The following PTPRR variants were observed in gnomAD, a reference collection of about 807,000 sequenced individuals.
PTPRR encodes protein tyrosine phosphatase receptor type R.
A neutral mutation model predicts 77.2 loss-of-function variants in PTPRR; 38 were observed. That is an observed-to-expected ratio of 0.49 (90% CI 0.38 to 0.65). PTPRR has a LOEUF of 0.65. PTPRR is among the 30% of genes least tolerant of loss of function. The pLI is 0.00. For missense variants in PTPRR, 744 were observed against 799.2 expected, an observed-to-expected ratio of 0.93 and a Z score of 0.83; for synonymous variants, 299 against 283.1, an observed-to-expected ratio of 1.06 and a Z score of -0.57.
intron 2 of PTPRR, among the ~76,000 whole-genome samples, chr12:70,822,396 G>T (rs1456351164): frequency 6.6e-6 from 1 of 151,926 alleles, no homozygotes; most frequent in Non-Finnish European, 1.5e-5. Context: ...GGAAGACAGT[G>T]GAAATTAATG....
chr12:70,647,397 T>G (rs1414021316), intron 13 of PTPRR, among the ~76,000 whole-genome samples: 2 of 152,364 alleles, frequency 1.3e-5, no homozygotes, highest in South Asian at 2.1e-4. Context: ...GTAGTCATAC[T>G]TCTGTAATAT....
In PTPRR at chr12:70,723,882, C is replaced by T. The variant is rs369176338; in HGVS notation, c.1007+21936G>A. 4.9e-4 allele frequency among the ~76,000 whole-genome samples: 75 copies of T among 152,086 alleles called. 1 individual carries two copies. The Middle Eastern group carries it at 0.014, about 28-fold the overall frequency. On this transcript the variant is annotated intron_variant, in intron 6 of 13. Coordinates refer to ENST00000283228, the MANE Select transcript of PTPRR (RefSeq NM_002849.4). Reference sequence around the variant, plus strand: ...CATTTATTTACAGAAACTTGTTAAGCACCTAAATATGTAGAGGCATGTCTA... The same window carrying T: ...CATTTATTTACAGAAACTTGTTAAGTACCTAAATATGTAGAGGCATGTCTA...
At chr12:70,645,826 G>GAA (rs34675980) in intron 13 of PTPRR, among the ~76,000 whole-genome samples, 8,218 of 150,692 alleles carry the variant, frequency 0.055, 522 homozygotes, top group East Asian at 0.31. Context: ...GTTAGAAAGG[G>GAA]AAAAAAAAAT....
chr12:70,666,571 A>C (rs1295584409), intron 10 of PTPRR, among the ~76,000 whole-genome samples: 2 of 152,234 alleles, frequency 1.3e-5, no homozygotes, highest in Non-Finnish European at 2.9e-5. Context: ...TAAGTTTTTC[A>C]CTGGTGAAAA....
intron 10 of PTPRR, among the ~76,000 whole-genome samples, chr12:70,676,661 T>C (rs1887458450): frequency 6.6e-6 from 1 of 152,088 alleles, no homozygotes; most frequent in Admixed American, 6.5e-5. Flanking sequence ...ATAAAGGCAA[T>C]CAGTATATCC....
chr12:70,807,199 T>A (rs1259017568), intron 2 of PTPRR, among the ~76,000 whole-genome samples: 10 of 152,166 alleles, frequency 6.6e-5, no homozygotes. Context: ...ATGCAAAGGA[T>A]AGACAAGTAA....
intron 2 of PTPRR, among the ~76,000 whole-genome samples, chr12:70,772,620 C>G (rs926076749): frequency 3.9e-5 from 6 of 152,050 alleles, no homozygotes; most frequent in African/African-American, 1.4e-4. Context: ...GCATTTCCAC[C>G]TTAGGGTCTC....
rs929669077 is a variant in PTPRR, at chr12:70,768,520, A to G, written c.358-3742T>C. Among the ~76,000 whole-genome samples the G allele has an allele frequency of 8.5e-5, 13 of 152,266 alleles. No individual in the cohort carries two copies. The East Asian group carries it at 1.4e-3, about 16-fold the overall frequency. Reference sequence around the variant, plus strand: ...TCTGAAATTGTGGCAATAATCAATAACTTACCAACCAAAAAGAGTCCAGGA... The same window carrying G: ...TCTGAAATTGTGGCAATAATCAATAGCTTACCAACCAAAAAGAGTCCAGGA... On this transcript the variant is annotated intron_variant, in intron 2 of 13. Coordinates refer to ENST00000283228, the MANE Select transcript of PTPRR (RefSeq NM_002849.4).
chr12:70,818,634 G>A (rs1472407148), intron 2 of PTPRR, among the ~76,000 whole-genome samples: 4 of 152,030 alleles, frequency 2.6e-5, no homozygotes, highest in African/African-American at 9.7e-5. Context: ...GTCATGGTTG[G>A]CTCATAGTTG....
intron 6 of PTPRR, among the ~76,000 whole-genome samples, chr12:70,731,468 T>C (rs908824088): frequency 6.6e-6 from 1 of 152,174 alleles, no homozygotes; most frequent in African/African-American, 2.4e-5. Flanking sequence ...ATGGAACCAC[T>C]CAATTGTAGG....
intron 2 of PTPRR, among the ~76,000 whole-genome samples, chr12:70,889,974 C>G (rs1034171641): frequency 1.3e-5 from 2 of 152,198 alleles, no homozygotes; most frequent in Admixed American, 1.3e-4. Flanking sequence ...ATTCTTCACT[C>G]AGCAGCCTAT....
chr12:70,715,172 G>A (rs901141140), intron 6 of PTPRR, among the ~76,000 whole-genome samples: 14 of 152,068 alleles, frequency 9.2e-5, no homozygotes, highest in African/African-American at 2.9e-4. Context: ...CTGGGCGTCC[G>A]GGGGAGATAT....
At chr12:70,690,303 G>T (rs1180465425) in intron 8 of PTPRR, among the ~76,000 whole-genome samples, 3 of 152,124 alleles carry the variant, frequency 2.0e-5, no homozygotes, top group Non-Finnish European at 4.4e-5. Context: ...AAATATTTCA[G>T]AAAAGAATAG....
chr12:70,775,108 A>G (rs1027247951), intron 2 of PTPRR, among the ~76,000 whole-genome samples: 3 of 152,244 alleles, frequency 2.0e-5, no homozygotes, highest in Admixed American at 6.5e-5. Context: ...GCAAATGGTA[A>G]GCCACTTTAC....
intron 8 of PTPRR, among the ~76,000 whole-genome samples, chr12:70,693,882 C>A (rs1232074677): frequency 6.6e-6 from 1 of 152,048 alleles, no homozygotes; most frequent in Non-Finnish European, 1.5e-5. Flanking sequence ...GAAATGGATT[C>A]ATCTTCAGTT....
chr12:70,798,589 C>G (rs1891556800), intron 2 of PTPRR, among the ~76,000 whole-genome samples: 1 of 152,170 alleles, frequency 6.6e-6, no homozygotes, highest in Non-Finnish European at 1.5e-5. Context: ...CCACACTGGC[C>G]TAGTTTCTGT....
At chr12:70,833,010 A>C (rs556541216) in intron 2 of PTPRR, among the ~76,000 whole-genome samples, 1 of 152,276 alleles carries the variant, frequency 6.6e-6, no homozygotes, top group African/African-American at 2.4e-5. Context: ...ATTTTGAACT[A>C]TCAGAGCAAG....
intron 10 of PTPRR, chr12:70,664,461 G>A (rs916962109): frequency 6.6e-6 from 1 of 152,230 alleles, no homozygotes; most frequent in African/African-American, 2.4e-5. Context: ...AAAAGGTATT[G>A]AACAAAGAAA....
intron 2 of PTPRR, among the ~76,000 whole-genome samples, chr12:70,798,821 T>C (rs973034623): frequency 6.8e-6 from 1 of 147,036 alleles, no homozygotes; most frequent in Admixed American, 6.8e-5. Context: ...TAGTCTCTAA[T>C]AACCCCATTT....
Sources: gnomAD v4.1 joint callset for allele counts (sites outside exome capture counted in the v4.1 genomes callset) on GRCh38, gnomAD v4.1.1 for gene constraint, MANE v1.5 for transcripts, NCBI Gene and HGNC (gene_info 2026-07-23, HGNC 2026-07-21) for gene names.